Variants in VPS41 observed in about 807,000 individuals in gnomAD.
VPS41 encodes VPS41 subunit of HOPS complex, also known as vacuolar protein sorting-associated protein 41 homolog.
VPS41 carries 85 observed loss-of-function variants against 130.9 expected under a neutral mutation model. The observed-to-expected ratio is 0.65, with a 90% CI of 0.55 to 0.78. The LOEUF is 0.78. Among genes scored for constraint, VPS41 ranks in the 30% least tolerant of loss-of-function variants. VPS41 has a pLI of 0.00. For missense variants in VPS41, 874 were observed against 1,018.7 expected, an observed-to-expected ratio of 0.86 and a Z score of 1.93; for synonymous variants, 335 against 332.9, an observed-to-expected ratio of 1.01 and a Z score of -0.07.
intron 17 of VPS41, among the ~76,000 whole-genome samples, chr7:38,762,299 T>C (rs35727243): frequency 1.6e-3 from 248 of 152,322 alleles, no homozygotes; most frequent in Non-Finnish European, 3.0e-3. Flanking sequence ...AGCAAAGTTA[T>C]AGAAAACCTC....
intron 3 of VPS41, among the ~76,000 whole-genome samples, chr7:38,867,648 T>G (rs1348810191): frequency 6.6e-6 from 1 of 152,142 alleles, no homozygotes; most frequent in Non-Finnish European, 1.5e-5. Flanking sequence ...TACCTGACAT[T>G]TTCAATCTTC....
At chr7:38,870,739 CAAAAAAAAAA>C (rs70977434) in intron 2 of VPS41, among the ~76,000 whole-genome samples, 10 of 29,742 alleles carry the variant, frequency 3.4e-4, no homozygotes, top group South Asian at 2.8e-3. Context: ...ACTATATGTT[CAAAAAAAAAA>C]AAAAAAAAAA....
intron 7 of VPS41, among the ~76,000 whole-genome samples, chr7:38,812,031 G>A (rs745503230): frequency 6.6e-6 from 1 of 151,948 alleles, no homozygotes; most frequent in Non-Finnish European, 1.5e-5. Flanking sequence ...ATGTTCAGTA[G>A]GTTAAGTATA....
At chr7:38,810,619 T>C (rs771320948) in intron 7 of VPS41, among the ~76,000 whole-genome samples, 29 of 152,176 alleles carry the variant, frequency 1.9e-4, no homozygotes, top group Non-Finnish European at 4.0e-4. Flanking sequence ...ATTCCAACGA[T>C]TTATTTGGCT....
intron 15 of VPS41, 94 bp from the exon 16 acceptor site, chr7:38,765,755 T>C (rs1322523258): frequency 2.7e-6 from 2 of 748,148 alleles, no homozygotes; most frequent in African/African-American, 3.6e-5. Context: ...TCCCCAGAGG[T>C]TTAGAGAAAT....
chr7:38,833,554 C>A (rs1785434886), intron 4 of VPS41, among the ~76,000 whole-genome samples: 1 of 152,166 alleles, frequency 6.6e-6, no homozygotes. Context: ...TGCCTTTCTG[C>A]CTACTCTGTG....
chr7:38,806,754 G>C (rs1414805513), intron 7 of VPS41, among the ~76,000 whole-genome samples: 1 of 152,104 alleles, frequency 6.6e-6, no homozygotes, highest in Non-Finnish European at 1.5e-5. Flanking sequence ...TTTTAGAAAA[G>C]TACCTCAACA....
At chr7:38,877,090 G>C (rs1281519471) in intron 2 of VPS41, among the ~76,000 whole-genome samples, 2 of 152,128 alleles carry the variant, frequency 1.3e-5, no homozygotes, top group African/African-American at 2.4e-5. Flanking sequence ...GTGATCACAA[G>C]ATCCTCAGAA....
At chr7:38,729,452 T>C (rs1263145622) in intron 25 of VPS41, among the ~76,000 whole-genome samples, 1 of 152,168 alleles carries the variant, frequency 6.6e-6, no homozygotes, top group East Asian at 1.9e-4. Flanking sequence ...ATAATAACCT[T>C]CAAATTTGGT....
chr7:38,897,653 A>G (rs893322539), intron 2 of VPS41, among the ~76,000 whole-genome samples: 3 of 151,960 alleles, frequency 2.0e-5, no homozygotes, highest in Admixed American at 2.0e-4. Context: ...TCAAAAAAAA[A>G]AAAAAAAAAG....
chr7:38,776,299 G>A (rs1448332333), intron 11 of VPS41, among the ~76,000 whole-genome samples: 1 of 152,180 alleles, frequency 6.6e-6, no homozygotes, highest in African/African-American at 2.4e-5. Context: ...TGCCCTTTCT[G>A]TAATTCCCTC....
At chr7:38,862,416 CTT>C (rs1490637869) in intron 4 of VPS41, 127 bp downstream of exon 4, 1 of 564,888 alleles carries the variant, frequency 1.8e-6, no homozygotes, top group Admixed American at 3.6e-5. Flanking sequence ...AATTTATACT[CTT>C]AGCACTCTGA....
At chr7:38,762,334 T>A (rs1044698585) in intron 17 of VPS41, among the ~76,000 whole-genome samples, 1 of 152,128 alleles carries the variant, frequency 6.6e-6, no homozygotes, top group Non-Finnish European at 1.5e-5. Context: ...TAAGTAAAAG[T>A]CTAGAAAGTA....
chr7:38,900,217 A>T (rs1019146333), intron 1 of VPS41, among the ~76,000 whole-genome samples: 1 of 152,228 alleles, frequency 6.6e-6, no homozygotes. Context: ...TGATTGCGTC[A>T]CTGCGTTCCA....
chr7:38,767,499 T>C (rs1784069971), intron 15 of VPS41, 38 bp downstream of exon 15: 2 of 1,479,232 alleles, frequency 1.4e-6, no homozygotes, highest in Admixed American at 1.8e-5. Flanking sequence ...CTCAATTCTA[T>C]TTATATTAAC....
intron 10 of VPS41, among the ~76,000 whole-genome samples, chr7:38,777,968 ATTAC>A (rs1584391407): frequency 6.6e-6 from 1 of 152,196 alleles, no homozygotes; most frequent in African/African-American, 2.4e-5. Flanking sequence ...TCCCTTGCAG[ATTAC>A]TTAGTGTTCC....
At chr7:38,746,363 T>G (rs1795984909) in intron 22 of VPS41, among the ~76,000 whole-genome samples, 1 of 151,962 alleles carries the variant, frequency 6.6e-6, no homozygotes, top group African/African-American at 2.4e-5. Flanking sequence ...AGGGTCAGGT[T>G]AGATAGAGAT....
chr7:38,874,067 T>C (rs765057364), intron 2 of VPS41, among the ~76,000 whole-genome samples: 1 of 152,204 alleles, frequency 6.6e-6, no homozygotes, highest in Non-Finnish European at 1.5e-5. Flanking sequence ...ATACAAGAAA[T>C]TGATTTTTTC....
intron 7 of VPS41, among the ~76,000 whole-genome samples, chr7:38,807,682 T>C (rs1784867555): frequency 6.6e-6 from 1 of 152,200 alleles, no homozygotes; most frequent in Non-Finnish European, 1.5e-5. Context: ...CAAATACTCC[T>C]GTGAAATGAC....
Sources: gnomAD v4.1 joint callset for allele counts (sites outside exome capture counted in the v4.1 genomes callset) on GRCh38, gnomAD v4.1.1 for gene constraint, MANE v1.5 for transcripts, NCBI Gene and HGNC (gene_info 2026-07-23, HGNC 2026-07-21) for gene names.